KIAA1217: variants seen among roughly 807,000 people sequenced by gnomAD.
KIAA1217 encodes KIAA1217, also known as sickle tail protein homolog.
In KIAA1217, 88 loss-of-function variants were observed where a neutral mutation model predicts 163.9. The observed-to-expected ratio is 0.54, with a 90% CI of 0.45 to 0.64. The LOEUF is 0.64. Ranked by LOEUF, KIAA1217 falls within the 30% of genes least tolerant of loss-of-function variation. The pLI, the probability that KIAA1217 is intolerant of heterozygous loss-of-function variation, is 0.00. For synonymous variants in KIAA1217, 903 were observed against 923.1 expected, an observed-to-expected ratio of 0.98 and a Z score of 0.39; for missense variants, 2,372 against 2,475.0, an observed-to-expected ratio of 0.96 and a Z score of 0.88.
At chr10:23,732,016 A>G (rs2130789841) in intron 1 of KIAA1217, among the ~76,000 whole-genome samples, 1 of 152,196 alleles carries the variant, frequency 6.6e-6, no homozygotes, top group Admixed American at 6.5e-5. Context: ...GAAGAGTTTT[A>G]CATATATGTT....
intron 11 of KIAA1217, among the ~76,000 whole-genome samples, chr10:24,521,042 G>GTTGGTTT (rs762075477): frequency 9.0e-6 from 1 of 111,426 alleles, no homozygotes; most frequent in African/African-American, 3.7e-5. Flanking sequence ...AAAAAAAAAA[G>GTTGGTTT]TTTTTTTTTT....
At chr10:23,875,949 G>C (rs754978205) in intron 1 of KIAA1217, among the ~76,000 whole-genome samples, 9 of 151,454 alleles carry the variant, frequency 5.9e-5, no homozygotes, top group Admixed American at 1.3e-4. Context: ...GGGCTTGTCG[G>C]GGGGTGGGGG....
chr10:23,770,614 AG>A (rs1834751383), intron 1 of KIAA1217, among the ~76,000 whole-genome samples: 1 of 152,202 alleles, frequency 6.6e-6, no homozygotes, highest in African/African-American at 2.4e-5. Context: ...CAGTCTAAAA[AG>A]TTAGTGTCCA....
At chr10:23,824,365 C>T (rs1029976611) in intron 1 of KIAA1217, among the ~76,000 whole-genome samples, 1 of 151,596 alleles carries the variant, frequency 6.6e-6, no homozygotes, top group South Asian at 2.1e-4. Flanking sequence ...CGCGGTGGCT[C>T]ACGCCTGTAA....
chr10:24,291,621 C>T (rs1275069751), intron 2 of KIAA1217, among the ~76,000 whole-genome samples: 3 of 152,264 alleles, frequency 2.0e-5, no homozygotes, highest in Non-Finnish European at 2.9e-5. Flanking sequence ...TCTGTGGGGA[C>T]AGTAACTTAT....
At chr10:23,887,801 C>A (rs1048574128) in intron 1 of KIAA1217, among the ~76,000 whole-genome samples, 4 of 151,880 alleles carry the variant, frequency 2.6e-5, no homozygotes, top group African/African-American at 9.7e-5. Context: ...CTCACTGCAA[C>A]CTCCACCCCC....
chr10:24,209,357 A>G (rs2067780104), intron 1 of KIAA1217, 94 bp downstream of exon 1: 1 of 819,774 alleles, frequency 1.2e-6, no homozygotes, highest in East Asian at 2.7e-5. Context: ...GGACCCGGCA[A>G]AGGAAAAAAA....
intron 10 of KIAA1217, among the ~76,000 whole-genome samples, chr10:24,518,496 CT>C (rs1179535127): frequency 6.6e-6 from 1 of 152,184 alleles, no homozygotes. Context: ...GGCAGACTGA[CT>C]TTGAGTCAGA....
chr10:23,731,728 C>T (rs1838489519), intron 1 of KIAA1217, among the ~76,000 whole-genome samples: 2 of 140,452 alleles, frequency 1.4e-5, no homozygotes, highest in African/African-American at 5.8e-5. Context: ...ATAAGGTTAG[C>T]TGTAGGGGAT....
intron 2 of KIAA1217, among the ~76,000 whole-genome samples, chr10:24,357,051 A>G (rs939188037): frequency 6.6e-6 from 1 of 152,132 alleles, no homozygotes; most frequent in Non-Finnish European, 1.5e-5. Context: ...CTCTCAGCCC[A>G]GTGCTCTCCA....
At chr10:24,415,846 G>T (rs1043162802) in intron 3 of KIAA1217, among the ~76,000 whole-genome samples, 1 of 152,226 alleles carries the variant, frequency 6.6e-6, no homozygotes, top group African/African-American at 2.4e-5. Flanking sequence ...CAGGGGCAGG[G>T]TGTGTAAAGG....
At chr10:24,265,107 G>A (rs925021960) in intron 2 of KIAA1217, among the ~76,000 whole-genome samples, 1 of 152,166 alleles carries the variant, frequency 6.6e-6, no homozygotes, top group Non-Finnish European at 1.5e-5. Flanking sequence ...CAAGCAATCC[G>A]CCCACCTTGG....
intron 2 of KIAA1217, among the ~76,000 whole-genome samples, chr10:24,337,944 G>A (rs370869085): frequency 4.6e-5 from 7 of 152,116 alleles, no homozygotes. Flanking sequence ...CGCCCGGCCC[G>A]TAAACATTTT....
At chr10:24,337,324 T>C (rs575459165) in intron 2 of KIAA1217, among the ~76,000 whole-genome samples, 17 of 152,342 alleles carry the variant, frequency 1.1e-4, no homozygotes, top group Non-Finnish European at 1.9e-4. Context: ...TTAATATCAC[T>C]AGCCATTAGA....
At chr10:23,709,259 C>T (rs1004317475) in intron 1 of KIAA1217, among the ~76,000 whole-genome samples, 27 of 152,118 alleles carry the variant, frequency 1.8e-4, no homozygotes, top group African/African-American at 6.5e-4. Context: ...TGCGGTGGCT[C>T]ACACTGGTAA....
intron 2 of KIAA1217, among the ~76,000 whole-genome samples, chr10:24,169,335 TTCTC>T (rs939417839): frequency 1.9e-4 from 29 of 152,154 alleles, no homozygotes; most frequent in African/African-American, 7.0e-4. Flanking sequence ...TCAATTCTCA[TTCTC>T]TCCATTCTAG....
intron 2 of KIAA1217, among the ~76,000 whole-genome samples, chr10:24,254,726 GAC>G (rs1029595682): frequency 1.2e-4 from 19 of 152,196 alleles, no homozygotes; most frequent in African/African-American, 4.1e-4. Flanking sequence ...TGGTGGGAAT[GAC>G]ACAATAAATA....
At chr10:24,449,178 A>G (rs2061197931) in intron 5 of KIAA1217, among the ~76,000 whole-genome samples, 1 of 152,112 alleles carries the variant, frequency 6.6e-6, no homozygotes, top group South Asian at 2.1e-4. Flanking sequence ...CATGGGAGAT[A>G]TTTTCTTGTT....
At chr10:23,704,538 G>A (rs1357289983) in intron 1 of KIAA1217, among the ~76,000 whole-genome samples, 1 of 151,872 alleles carries the variant, frequency 6.6e-6, no homozygotes, top group African/African-American at 2.4e-5. Flanking sequence ...GACATTTCAT[G>A]TATATGGAAT....
Sources: allele counts gnomAD v4.1 joint callset (sites outside exome capture counted in the v4.1 genomes callset), GRCh38; gene constraint gnomAD v4.1.1; transcripts MANE v1.5; gene names NCBI Gene and HGNC (gene_info 2026-07-23, HGNC 2026-07-21).